The following ADAM7 variants were observed in gnomAD, a reference collection of about 807,000 sequenced individuals.
The protein encoded by ADAM7 is ADAM metallopeptidase domain 7.
In ADAM7, 97 loss-of-function variants were observed where a neutral mutation model predicts 102.9. That is an observed-to-expected ratio of 0.94 (90% CI 0.80 to 1.12). The LOEUF (loss-of-function observed/expected upper bound fraction) is 1.12. Ranked by LOEUF, ADAM7 falls within the 50% of genes most tolerant of loss-of-function variation. ADAM7 has a pLI of 0.00. For missense variants in ADAM7, 991 were observed against 908.7 expected, an observed-to-expected ratio of 1.09 and a Z score of -1.16; for synonymous variants, 334 against 304.4, an observed-to-expected ratio of 1.10 and a Z score of -1.01.
chr8:24,506,753 G>GCA (rs71549838), intron 20 of ADAM7, among the ~76,000 whole-genome samples: 19,008 of 144,114 alleles, frequency 0.13, 1,265 homozygotes, highest in Admixed American at 0.16. Context: ...CTGAGTCAAA[G>GCA]CACACACACA....
At chr8:24,488,186 G>T (rs1389243378) in intron 11 of ADAM7, among the ~76,000 whole-genome samples, 1 of 152,250 alleles carries the variant, frequency 6.6e-6, no homozygotes, top group Non-Finnish European at 1.5e-5. Context: ...CAAGGTCAGA[G>T]GGTTTTGTCT....
intron 16 of ADAM7, among the ~76,000 whole-genome samples, chr8:24,496,921 TA>T (rs1472721628): frequency 6.6e-6 from 1 of 152,174 alleles, no homozygotes; most frequent in African/African-American, 2.4e-5. Flanking sequence ...TGATTGGTTT[TA>T]AAATGTGAGG....
At position 24,442,488 on chromosome 8, in the gene ADAM7, G is replaced by C; in HGVS notation, c.68G>C (p.Gly23Ala). Reference sequence around the variant, plus strand: ...TTCCTCGTAGAAAAGTTCATCCTTGGAGTAGAGGGTCAACAACTGGTTCGT... The same window carrying C: ...TTCCTCGTAGAAAAGTTCATCCTTGCAGTAGAGGGTCAACAACTGGTTCGT... Reference protein sequence around the residue: ...IPQVKEKFILGVEGQQLVRPK... With the variant: ...IPQVKEKFILAVEGQQLVRPK... Residue 23 changes from glycine to alanine, a missense_variant, in exon 2 of 22, where the codon GGA becomes GCA. Coordinates refer to ENST00000175238, the MANE Select transcript of ADAM7 (RefSeq NM_003817.4). 8.1e-6 allele frequency: 13 copies of C among 1,613,620 alleles called. No homozygotes were observed. The highest frequency in any genetic ancestry group is 1.1e-5 in the Non-Finnish European group (13 of 1,179,582).
chr8:24,477,379 G>A (rs572678583), intron 8 of ADAM7, among the ~76,000 whole-genome samples: 3 of 152,254 alleles, frequency 2.0e-5, no homozygotes, highest in Admixed American at 6.5e-5. Context: ...TTCTATGCAA[G>A]AGATGTATCT....
Position 24,466,591 on chromosome 8 carries a change from T to C in ADAM7, c.390-208T>C, listed in dbSNP as rs561657378. ...AGCAGATATTGGACTGTGAAACTTC[T>C]GAAAATCTAGTAAGTTGACTCTTAG... On this transcript the variant is annotated intron_variant, in intron 5 of 21. Transcript: ENST00000175238. 6.6e-5 allele frequency among the ~76,000 whole-genome samples: 10 copies of C among 152,284 alleles called. No individual in the cohort carries two copies. The South Asian group carries it at 2.1e-3, about 32-fold the overall frequency.
Position 24,468,797 on chromosome 8 carries a change from T to C in ADAM7, c.610T>C (p.Phe204Leu), listed in dbSNP as rs1819513320. The C allele has an allele frequency of 3.7e-6, 6 of 1,613,438 alleles. No homozygotes were observed. The highest frequency in any genetic ancestry group is 5.1e-6 in the Non-Finnish European group (6 of 1,179,754). ...GIHDEKYVEL[F>L]IVADDTVYRR... is the part of the protein sequence containing the mutation. ...CCATGATGAAAAGTATGTTGAATTG[T>C]TCATTGTTGCTGATGATACTGTGGT... The change falls in exon 7 of 22, where the codon TTC becomes CTC. Residue 204 changes from phenylalanine (F) to leucine (L), a missense_variant. Physicochemically the swap from Phe to Leu is conservative, Grantham distance 22. Transcript: ENST00000175238.
chr8:24,468,941 T>G (rs1819518621), intron 7 of ADAM7, 121 bp downstream of exon 7: 1 of 928,838 alleles, frequency 1.1e-6, no homozygotes, highest in Non-Finnish European at 1.6e-6. Context: ...AGTCCTATTT[T>G]TAGCTTCCCA....
chr8:24,459,543 C>A (rs1819165833), intron 3 of ADAM7, among the ~76,000 whole-genome samples: 1 of 152,000 alleles, frequency 6.6e-6, no homozygotes, highest in African/African-American at 2.4e-5. Flanking sequence ...GCAGCCTCAA[C>A]CTCCCAGTCT....
intron 20 of ADAM7, among the ~76,000 whole-genome samples, chr8:24,502,392 A>G (rs1259713013): frequency 1.3e-5 from 2 of 152,016 alleles, no homozygotes; most frequent in African/African-American, 4.8e-5. Flanking sequence ...AGCCCAATAT[A>G]TGCAGAAAAA....
intron 16 of ADAM7, among the ~76,000 whole-genome samples, chr8:24,495,097 T>C (rs570007287): frequency 7.1e-4 from 108 of 152,262 alleles, no homozygotes; most frequent in African/African-American, 2.3e-3. Context: ...AGGCTGGGTT[T>C]CCACCCCAGC....
intron 18 of ADAM7, 30 bp from the exon 19 acceptor site, chr8:24,500,760 C>T (rs1188938853): frequency 2.6e-6 from 4 of 1,564,086 alleles, no homozygotes; most frequent in Admixed American, 1.7e-5. Flanking sequence ...CTGATACCCT[C>T]GATGAAGCCC....
In ADAM7 at chr8:24,492,862, G is replaced by A. The variant is rs146461785; in HGVS notation, c.1656-181G>A. On this transcript the variant is annotated intron_variant, in intron 15 of 21. Coordinates refer to ENST00000175238, the MANE Select transcript of ADAM7 (RefSeq NM_003817.4). ...AATATGATCATTTTACATTTTTTAC[G>A]GACTCATCTCAGTTCCCAGGGCCAA... Among the ~76,000 whole-genome samples the A allele has an allele frequency of 5.4e-3, 826 of 152,098 alleles. 4 individuals carry two copies. Among genetic ancestry groups the A allele is most frequent in the Middle Eastern group, 0.027 (8 of 294 alleles).
At chr8:24,489,614 A>G (rs1820270118) in intron 12 of ADAM7, among the ~76,000 whole-genome samples, 1 of 152,112 alleles carries the variant, frequency 6.6e-6, no homozygotes, top group South Asian at 2.1e-4. Flanking sequence ...ACAAGGGCCC[A>G]TAAGTGTCCT....
intron 20 of ADAM7, among the ~76,000 whole-genome samples, chr8:24,502,201 A>G (rs1820785844): frequency 1.3e-5 from 2 of 150,314 alleles, no homozygotes; most frequent in Non-Finnish European, 3.0e-5. Flanking sequence ...ATCAAAAGGG[A>G]AATTAGAAAG....
Position 24,446,568 on chromosome 8 carries a change from GATTA to G in ADAM7, c.157-616_157-613del, listed in dbSNP as rs545069247. ...AACCAAATTTCTCATAGTAAATATAGATTAAATAAATGAAGTTTCACTCACATTG... is the reference window on the plus strand; with the variant it reads ...AACCAAATTTCTCATAGTAAATATAGAATAAATGAAGTTTCACTCACATTG... On this transcript the variant is annotated intron_variant, in intron 2 of 21. Transcript: ENST00000175238. Among the ~76,000 whole-genome samples, 13 of 151,984 alleles carry G rather than the reference GATTA, an allele frequency of 8.6e-5. No individual in the cohort carries two copies. In the South Asian group the frequency reaches 2.7e-3, roughly 32 times the overall value.
chr8:24,489,048 C>A, intron 11 of ADAM7, 111 bp from the exon 12 acceptor site: 1 of 1,008,486 alleles, frequency 9.9e-7, no homozygotes, highest in East Asian at 2.7e-5. Context: ...CCTGCTCTAA[C>A]AGTAAACATT....
chr8:24,475,872 A>G (rs1367847618), intron 7 of ADAM7: 1 of 453,474 alleles, frequency 2.2e-6, no homozygotes. Context: ...AGGAGACAAC[A>G]AAAGTCAGAG....
intron 16 of ADAM7, among the ~76,000 whole-genome samples, chr8:24,496,089 A>G (rs113275600): frequency 0.038 from 5,786 of 152,206 alleles, 374 homozygotes; most frequent in African/African-American, 0.13. Flanking sequence ...CAGTTTAGGG[A>G]CTTGGTGCCC....
At position 24,442,446 on chromosome 8, in the gene ADAM7, AT is replaced by A. The variant is rs546064826; in HGVS notation, c.53-21del. On this transcript the variant is annotated intron_variant, in intron 1 of 21. Transcript: ENST00000175238. ...GTAGACGAATGTTAATGTCAGACGG[AT>A]TTTTTCCTCTTATGTTTCCTCGTAG... The A allele has an allele frequency of 1.1e-4, 169 of 1,507,536 alleles. 2 individuals are homozygous for A. The African/African-American group carries it at 1.8e-3, about 16-fold the overall frequency. The allele number at this position is 1,507,536 out of a possible 1,614,324, so 93.4% of individuals were successfully genotyped here.
Sources: gnomAD v4.1 joint callset for allele counts (sites outside exome capture counted in the v4.1 genomes callset) on GRCh38, gnomAD v4.1.1 for gene constraint, MANE v1.5 for transcripts, NCBI Gene and HGNC (gene_info 2026-07-23, HGNC 2026-07-21) for gene names.